CNTNAP4: variants seen among roughly 807,000 people sequenced by gnomAD.
CNTNAP4 encodes the protein contactin associated protein family member 4.
CNTNAP4 carries 98 observed loss-of-function variants against 148.4 expected under a neutral mutation model. The observed-to-expected ratio is 0.66, with a 90% CI of 0.56 to 0.78. The LOEUF (loss-of-function observed/expected upper bound fraction) is 0.78. Among genes scored for constraint, CNTNAP4 ranks in the 30% least tolerant of loss-of-function variants. The probability of loss-of-function intolerance (pLI) is 0.00; values close to 1 mark genes in which losing one functional copy is unlikely to be tolerated. For missense variants in CNTNAP4, 1,935 were observed against 1,565.6 expected (o/e 1.24, Z -3.98); for synonymous variants, 730 against 565.1 (o/e 1.29, Z -4.14).
Position 76,538,166 on chromosome 16 carries a change from G to T in CNTNAP4, c.3046G>T (p.Glu1016Ter). The T allele has an allele frequency of 3.8e-6, 6 of 1,595,472 alleles. No homozygotes were observed. Among genetic ancestry groups the T allele is most frequent in the Non-Finnish European group, 5.1e-6 (6 of 1,172,568 alleles). ...SGSSVIYNFQ[E>*]NYLLSKNSSS... ...CTCATCCGTGATATACAATTTTCAA[G>T]AAAATTATCTTTTAAGTAAAAACTC... Residue 1016 changes from glutamate (E) to a stop codon, truncating the protein, a stop_gained, in exon 19 of 24, where the codon GAA (glutamate) becomes TAA (stop). Transcript: ENST00000611870. LOFTEE classifies it high-confidence loss of function.
chr16:76,443,983 CAT>C (rs1424764348), intron 4 of CNTNAP4, among the ~76,000 whole-genome samples: 1 of 151,962 alleles, frequency 6.6e-6, no homozygotes, highest in African/African-American at 2.4e-5. Context: ...ATTTTCAAAA[CAT>C]AAAAACATAA....
chr16:76,356,313 A>C (rs996413204), intron 3 of CNTNAP4, among the ~76,000 whole-genome samples: 1 of 151,906 alleles, frequency 6.6e-6, no homozygotes, highest in South Asian at 2.1e-4. Flanking sequence ...ATATGTATGT[A>C]TATGCATACA....
intron 18 of CNTNAP4, among the ~76,000 whole-genome samples, chr16:76,536,918 A>G (rs776640905): frequency 6.6e-6 from 1 of 152,192 alleles, no homozygotes; most frequent in South Asian, 2.1e-4. Flanking sequence ...GAAGGAGGCT[A>G]ACAAAACTTG....
intron 2 of CNTNAP4, among the ~76,000 whole-genome samples, chr16:76,344,084 A>C (rs184096599): frequency 1.2e-4 from 19 of 152,264 alleles, no homozygotes; most frequent in Admixed American, 2.6e-4. Context: ...CTAGCTTCAA[A>C]CTCTGAATTC....
At chr16:76,368,433 C>T (rs2014410653) in intron 3 of CNTNAP4, among the ~76,000 whole-genome samples, 1 of 152,176 alleles carries the variant, frequency 6.6e-6, no homozygotes, top group Non-Finnish European at 1.5e-5. Flanking sequence ...CCCAAATGCC[C>T]ATCAATCATA....
chr16:76,545,933 G>C (rs2084704916), intron 21 of CNTNAP4, among the ~76,000 whole-genome samples: 1 of 152,042 alleles, frequency 6.6e-6, no homozygotes, highest in African/African-American at 2.4e-5. Flanking sequence ...TACTCAGGAG[G>C]CTGAGGCAGT....
At chr16:76,469,039 A>T (rs2081277536) in intron 10 of CNTNAP4, among the ~76,000 whole-genome samples, 1 of 152,140 alleles carries the variant, frequency 6.6e-6, no homozygotes, top group Non-Finnish European at 1.5e-5. Flanking sequence ...CAACAAAAAG[A>T]CTCTTCTATT....
intron 15 of CNTNAP4, among the ~76,000 whole-genome samples, chr16:76,516,284 A>G (rs1318818363): frequency 2.0e-5 from 3 of 152,166 alleles, no homozygotes; most frequent in African/African-American, 7.2e-5. Flanking sequence ...ATTCTTTTTC[A>G]AGGCTGCATA....
At chr16:76,475,632 T>C (rs1480791212) in intron 10 of CNTNAP4, among the ~76,000 whole-genome samples, 1 of 152,232 alleles carries the variant, frequency 6.6e-6, no homozygotes, top group Non-Finnish European at 1.5e-5. Context: ...TTATTTCATG[T>C]ATGCTGTTGA....
intron 3 of CNTNAP4, among the ~76,000 whole-genome samples, chr16:76,424,348 G>C (rs2079301024): frequency 6.6e-6 from 1 of 152,108 alleles, no homozygotes; most frequent in South Asian, 2.1e-4. Flanking sequence ...ATTATAATTA[G>C]GGATTGTGTT....
chr16:76,355,970 G>A (rs550059938), intron 3 of CNTNAP4, among the ~76,000 whole-genome samples: 1 of 151,938 alleles, frequency 6.6e-6, no homozygotes, highest in East Asian at 1.9e-4. Flanking sequence ...TGCCTCCCGG[G>A]TTCAAGCGAT....
In CNTNAP4 at chr16:76,532,974, T is replaced by A. The variant is rs538187217; in HGVS notation, c.2756-2571T>A. Among the ~76,000 whole-genome samples the A allele has an allele frequency of 3.5e-4, 53 of 152,144 alleles. No homozygotes were observed. The South Asian group carries it at 0.011, about 31-fold the overall frequency. ...ATAGAACTACAATGTGATCCAGCAA[T>A]CTCAATAATGGGCATTTATCCAAAG... On this transcript the variant is annotated intron_variant, in intron 17 of 23. Transcript: ENST00000611870.
intron 3 of CNTNAP4, among the ~76,000 whole-genome samples, chr16:76,370,593 C>G (rs768522603): frequency 5.9e-5 from 9 of 152,202 alleles, no homozygotes; most frequent in Non-Finnish European, 1.0e-4. Context: ...GTCCACGTCA[C>G]TCAGCCCTCT....
intron 17 of CNTNAP4, among the ~76,000 whole-genome samples, chr16:76,524,410 A>G (rs966692025): frequency 1.3e-4 from 20 of 152,342 alleles, no homozygotes; most frequent in African/African-American, 4.6e-4. Flanking sequence ...TAGCTTGGAA[A>G]TAGCCTTACT....
intron 3 of CNTNAP4, among the ~76,000 whole-genome samples, chr16:76,380,090 C>T (rs1283512543): frequency 6.6e-6 from 1 of 152,128 alleles, no homozygotes; most frequent in Non-Finnish European, 1.5e-5. Flanking sequence ...AAACGCAAGT[C>T]TGTTGTAGTA....
intron 2 of CNTNAP4, 25 bp downstream of exon 2, chr16:76,316,548 T>C (rs750431218): frequency 6.9e-7 from 1 of 1,444,498 alleles, no homozygotes; most frequent in African/African-American, 1.4e-5. Flanking sequence ...CTCCTCTGAC[T>C]GGCCCATAGA....
In CNTNAP4 at chr16:76,521,295, C is replaced by T. The variant is rs1403961071; in HGVS notation, c.2521C>T (p.Arg841Trp). ...LENLGIADFI[R>W]IELRSPTVVT... ...GAACTTGGGGATTGCTGATTTTATA[C>T]GGATAGAGCTTCGCTGTAAGTCTCC... The change falls in exon 16 of 24, where the codon CGG becomes TGG. Residue 841 changes from arginine to tryptophan, a missense_variant. By Grantham distance (101) the Arg-to-Trp change is moderately radical. Transcript: ENST00000611870. 4 of 1,607,174 alleles carry T rather than the reference C, an allele frequency of 2.5e-6. No homozygotes were observed. The highest frequency in any genetic ancestry group is 3.4e-6 in the Non-Finnish European group (4 of 1,177,926).
chr16:76,470,495 A>ATATATATATATATATATATATATATT (rs546770074), intron 10 of CNTNAP4, among the ~76,000 whole-genome samples: 2 of 133,964 alleles, frequency 1.5e-5, no homozygotes, highest in South Asian at 2.5e-4. Context: ...ATATATATAT[A>ATATATATATATATATATATATATATT]TAAAATTAGT....
chr16:76,385,553 T>TGTGTGC (rs2016437294), intron 3 of CNTNAP4, among the ~76,000 whole-genome samples: 1 of 133,970 alleles, frequency 7.5e-6, no homozygotes, highest in African/African-American at 2.8e-5. Flanking sequence ...TAGAAGTGTG[T>TGTGTGC]GTGTGTGTGT....
Sources: gnomAD v4.1 joint callset for allele counts (sites outside exome capture counted in the v4.1 genomes callset) on GRCh38, gnomAD v4.1.1 for gene constraint, MANE v1.5 for transcripts, NCBI Gene and HGNC (gene_info 2026-07-23, HGNC 2026-07-21) for gene names.